Variants in FGF14 observed in about 807,000 individuals in gnomAD.
FGF14 encodes the protein fibroblast growth factor homologous factor 4.
A neutral mutation model predicts 25.5 loss-of-function variants in FGF14; 5 were observed. The ratio of observed to expected loss-of-function variants is 0.20; its 90% CI spans 0.10 to 0.41. FGF14 has a LOEUF of 0.41. Ranked by LOEUF, FGF14 falls within the 10% of genes least tolerant of loss-of-function variation. The pLI is 1.00. For synonymous variants in FGF14, 138 were observed against 118.3 expected (o/e 1.17, Z -1.08); for missense variants, 222 against 320.1 (o/e 0.69, Z 2.34).
chr13:102,160,375 C>G (rs1243209661), intron 1 of FGF14, among the ~76,000 whole-genome samples: 1 of 152,156 alleles, frequency 6.6e-6, no homozygotes, highest in East Asian at 1.9e-4. Context: ...CAGTCCACCC[C>G]CCAGAAACAG....
At chr13:102,289,212 T>C (rs1445857558) in intron 1 of FGF14, among the ~76,000 whole-genome samples, 1 of 152,124 alleles carries the variant, frequency 6.6e-6, no homozygotes. Context: ...GTGATGAAGG[T>C]TTTAATTCCA....
At chr13:101,778,238 A>T (rs2039260932) in intron 3 of FGF14, among the ~76,000 whole-genome samples, 1 of 152,034 alleles carries the variant, frequency 6.6e-6, no homozygotes, top group Admixed American at 6.6e-5. Flanking sequence ...TCTGTTGATC[A>T]TTTTTTTCGA....
intron 1 of FGF14, among the ~76,000 whole-genome samples, chr13:102,266,147 C>T (rs1289437096): frequency 6.6e-6 from 1 of 152,070 alleles, no homozygotes; most frequent in Non-Finnish European, 1.5e-5. Flanking sequence ...TCAAAAAGGT[C>T]TAATTAGTGA....
intron 1 of FGF14, among the ~76,000 whole-genome samples, chr13:101,958,671 T>C (rs1372923540): frequency 6.6e-6 from 1 of 152,188 alleles, no homozygotes; most frequent in Non-Finnish European, 1.5e-5. Context: ...AGCATCCCTG[T>C]CATTTAGAAG....
chr13:102,161,605 AAGAAGAAGAAGAAGAAGAAGAAGAAG>A (rs2047681785), intron 1 of FGF14, among the ~76,000 whole-genome samples: 5 of 5,252 alleles, frequency 9.5e-4, no homozygotes, highest in Non-Finnish European at 1.7e-3. Context: ...GAAGAAGAAG[AAGAAGAAGAAGAAGAAGAAGAAGAAG>A]AAGAAGAAGA....
chr13:102,355,995 C>T (rs929574606), intron 1 of FGF14, among the ~76,000 whole-genome samples: 1 of 152,128 alleles, frequency 6.6e-6, no homozygotes, highest in Non-Finnish European at 1.5e-5. Flanking sequence ...ACAATGTCCC[C>T]GTCTCTCCCA....
At chr13:102,116,480 T>C (rs375552043) in intron 1 of FGF14, among the ~76,000 whole-genome samples, 11 of 152,264 alleles carry the variant, frequency 7.2e-5, no homozygotes, top group African/African-American at 1.9e-4. Context: ...AATGTTATTC[T>C]TCCACAAAGA....
At chr13:101,850,721 G>T (rs2984843) in intron 3 of FGF14, among the ~76,000 whole-genome samples, 42,762 of 144,640 alleles carry the variant, frequency 0.3, 6,782 homozygotes, top group East Asian at 0.54. Flanking sequence ...TACATATATA[G>T]AGAGAGAAGA....
At chr13:102,144,419 G>T (rs1184170486) in intron 1 of FGF14, among the ~76,000 whole-genome samples, 3 of 151,776 alleles carry the variant, frequency 2.0e-5, no homozygotes, top group Non-Finnish European at 4.4e-5. Context: ...TAAAATCAAT[G>T]ATTTACTTTA....
At chr13:101,776,442 C>A (rs1458197785) in intron 3 of FGF14, among the ~76,000 whole-genome samples, 1 of 152,144 alleles carries the variant, frequency 6.6e-6, no homozygotes, top group African/African-American at 2.4e-5. Flanking sequence ...TGAAGCTTGC[C>A]ATTCAGGGAC....
chr13:102,000,300 C>G (rs567638998), intron 1 of FGF14, among the ~76,000 whole-genome samples: 16 of 152,272 alleles, frequency 1.1e-4, no homozygotes, highest in African/African-American at 3.4e-4. Context: ...GCCTGGGCGA[C>G]AGAGCAAGAC....
chr13:101,777,664 A>G (rs2140008341), intron 3 of FGF14, among the ~76,000 whole-genome samples: 1 of 152,336 alleles, frequency 6.6e-6, no homozygotes, highest in Middle Eastern at 3.4e-3. Context: ...TGAATCTAAA[A>G]TAACATTAAT....
intron 1 of FGF14, among the ~76,000 whole-genome samples, chr13:101,940,851 A>G (rs2035403682): frequency 6.6e-6 from 1 of 152,248 alleles, no homozygotes; most frequent in Admixed American, 6.5e-5. Context: ...AAATATTGAA[A>G]GAATTTTTTA....
chr13:102,069,396 A>C (rs894969787), intron 1 of FGF14, among the ~76,000 whole-genome samples: 8 of 152,128 alleles, frequency 5.3e-5, no homozygotes, highest in African/African-American at 1.9e-4. Flanking sequence ...TAAGAGAATA[A>C]AAGGAGGCTG....
chr13:101,788,907 TATAGAGAGAGAGAGAGAG>T (rs1196115386), intron 3 of FGF14, among the ~76,000 whole-genome samples: 17 of 32,368 alleles, frequency 5.3e-4, no homozygotes, highest in East Asian at 9.1e-4. Flanking sequence ...TATATATATA[TATAGAGAGAGAGAGAGAG>T]AGAGAGAGAG....
intron 3 of FGF14, among the ~76,000 whole-genome samples, chr13:101,846,139 G>A (rs1023518262): frequency 6.6e-6 from 1 of 151,880 alleles, no homozygotes; most frequent in South Asian, 2.1e-4. Context: ...ATTAGTGGAG[G>A]CTTCAGATAA....
At chr13:102,313,074 C>G (rs2055851280) in intron 1 of FGF14, among the ~76,000 whole-genome samples, 1 of 152,198 alleles carries the variant, frequency 6.6e-6, no homozygotes, top group Non-Finnish European at 1.5e-5. Flanking sequence ...GACAACAGAG[C>G]ACCTTCCAAG....
intron 1 of FGF14, among the ~76,000 whole-genome samples, chr13:102,041,905 TTTCTCCTTCACAA>T (rs2041761441): frequency 6.6e-6 from 1 of 152,156 alleles, no homozygotes; most frequent in African/African-American, 2.4e-5. Flanking sequence ...TTCCTTCACA[TTTCTCCTTCACAA>T]GTCTCCTAAG....
At chr13:102,261,198 G>C (rs2052699582) in intron 1 of FGF14, among the ~76,000 whole-genome samples, 2 of 152,130 alleles carry the variant, frequency 1.3e-5, no homozygotes, top group Non-Finnish European at 2.9e-5. Flanking sequence ...GATAAAACAA[G>C]GCACCAAAAA....
Sources: gnomAD v4.1 joint callset for allele counts (sites outside exome capture counted in the v4.1 genomes callset) on GRCh38, gnomAD v4.1.1 for gene constraint, MANE v1.5 for transcripts, NCBI Gene and HGNC (gene_info 2026-07-23, HGNC 2026-07-21) for gene names.